SMCO4: variants seen among roughly 807,000 people sequenced by gnomAD.
SMCO4 encodes the protein single-pass membrane protein with coiled-coil domains 4, also known as single-pass membrane and coiled-coil domain-containing protein 4.
SMCO4 carries 4 observed loss-of-function variants against 3.6 expected under a neutral mutation model. That is an observed-to-expected ratio of 1.11 (90% confidence interval 0.54 to 2.53). The LOEUF (loss-of-function observed/expected upper bound fraction) is 2.53. Ranked by LOEUF, SMCO4 falls within the 30% of genes most tolerant of loss-of-function variation. The pLI, the probability that SMCO4 is intolerant of heterozygous loss-of-function variation, is 0.02. For missense variants in SMCO4, 70 were observed against 80.8 expected (o/e 0.87, Z 0.51); for synonymous variants, 36 against 35.3 (o/e 1.02, Z -0.07).
the SMCO4 span, among the ~76,000 whole-genome samples, chr11:93,549,929 A>G: frequency 6.6e-6 from 1 of 151,376 alleles, no homozygotes; most frequent in Non-Finnish European, 1.5e-5. Context: ...ACAAAATTAT[A>G]CCTATTCTTG....
chr11:93,539,958 T>TAA (rs1179925575), intron 1 of SMCO4, among the ~76,000 whole-genome samples: 5 of 137,738 alleles, frequency 3.6e-5, no homozygotes, highest in African/African-American at 1.1e-4. Context: ...AAAATTAATT[T>TAA]AAAAAAAAAA....
intron 1 of SMCO4, among the ~76,000 whole-genome samples, chr11:93,510,129 G>A (rs1948944202): frequency 6.6e-6 from 1 of 152,198 alleles, no homozygotes; most frequent in Admixed American, 6.5e-5. Context: ...ACTTGACAAG[G>A]TTGGTGTGAG....
At chr11:93,516,290 G>C (rs12422180) in intron 1 of SMCO4, among the ~76,000 whole-genome samples, 7,617 of 152,192 alleles carry the variant, frequency 0.05, 455 homozygotes, top group East Asian at 0.22. Context: ...AAGAAGGGGA[G>C]TCAGGCAGAT....
At chr11:93,535,547 A>G (rs1949214340) in intron 1 of SMCO4, 2 of 1,445,186 alleles carry the variant, frequency 1.4e-6, no homozygotes, top group East Asian at 2.3e-5. Flanking sequence ...AGGCAGCATC[A>G]TATCACCTTG....
intron 1 of SMCO4, among the ~76,000 whole-genome samples, chr11:93,510,738 T>C (rs1177227198): frequency 1.3e-5 from 2 of 152,196 alleles, no homozygotes; most frequent in Non-Finnish European, 2.9e-5. Flanking sequence ...ACTAAGGGCC[T>C]GCCCAACAGA....
intron 2 of SMCO4, among the ~76,000 whole-genome samples, chr11:93,495,907 T>A (rs1042093566): frequency 6.6e-6 from 1 of 152,104 alleles, no homozygotes; most frequent in Non-Finnish European, 1.5e-5. Context: ...TTTGGAAAAT[T>A]GAAGTCACTG....
intron 2 of SMCO4, among the ~76,000 whole-genome samples, chr11:93,497,636 G>T (rs11606261): frequency 0.12 from 18,202 of 151,522 alleles, 1,349 homozygotes; most frequent in Non-Finnish European, 0.17. Context: ...TTCCAAAGGG[G>T]GGTACCAAGA....
At chr11:93,508,614 A>T (rs1948930382) in intron 1 of SMCO4, among the ~76,000 whole-genome samples, 1 of 152,222 alleles carries the variant, frequency 6.6e-6, no homozygotes, top group Admixed American at 6.5e-5. Context: ...GGCTTTAAAC[A>T]TCTAAAGATG....
chr11:93,509,008 G>A (rs767051876), intron 1 of SMCO4, among the ~76,000 whole-genome samples: 64 of 152,208 alleles, frequency 4.2e-4, no homozygotes, highest in Admixed American at 6.5e-4. Context: ...AATTGCTCAC[G>A]GCCAGGTGCA....
chr11:93,530,633 C>T (rs1460970356), intron 1 of SMCO4, among the ~76,000 whole-genome samples: 3 of 152,180 alleles, frequency 2.0e-5, no homozygotes, highest in African/African-American at 7.2e-5. Flanking sequence ...CCTCTTGATC[C>T]TCATCCTCTT....
intron 1 of SMCO4, among the ~76,000 whole-genome samples, chr11:93,541,205 G>A (rs1949268166): frequency 6.6e-6 from 1 of 152,232 alleles, no homozygotes; most frequent in Non-Finnish European, 1.5e-5. Flanking sequence ...AAAATGTCAA[G>A]GCCAGCTTAT....
intron 2 of SMCO4, chr11:93,481,534 C>T (rs1948593037): frequency 4.1e-6 from 4 of 985,244 alleles, no homozygotes; most frequent in Middle Eastern, 5.2e-4. Flanking sequence ...ACACCTGGAA[C>T]ACACCCCAAC....
At chr11:93,535,767 G>T in intron 1 of SMCO4, 1 of 1,605,276 alleles carries the variant, frequency 6.2e-7, no homozygotes, top group Non-Finnish European at 8.5e-7. Context: ...GAGACAAAAA[G>T]AACAAAACTA....
chr11:93,516,383 C>A (rs568047366), intron 1 of SMCO4, among the ~76,000 whole-genome samples: 1 of 152,298 alleles, frequency 6.6e-6, no homozygotes, highest in East Asian at 1.9e-4. Flanking sequence ...TCTTTCTATA[C>A]CACAGTTTAC....
At chr11:93,540,421 C>T (rs921331547) in intron 1 of SMCO4, among the ~76,000 whole-genome samples, 5 of 152,222 alleles carry the variant, frequency 3.3e-5, no homozygotes, top group African/African-American at 1.2e-4. Context: ...ACTCCCAAGA[C>T]GCTTGAACTT....
chr11:93,546,226 G>A (rs560630367), upstream of SMCO4, among the ~76,000 whole-genome samples: 1 of 152,354 alleles, frequency 6.6e-6, no homozygotes, highest in Admixed American at 6.5e-5. Context: ...TTCAGTTGAA[G>A]TCACTAAATC....
At chr11:93,550,692 T>C in the SMCO4 span, among the ~76,000 whole-genome samples, 86,308 of 151,778 alleles carry the variant, frequency 0.57, 24,737 homozygotes, top group Admixed American at 0.65. Flanking sequence ...TTTATTTTTA[T>C]TTTATTTTTT....
Position 93,478,960 on chromosome 11 carries a change from C to G in SMCO4, c.*50G>C, listed in dbSNP as rs749902261. ...AAAGCCATTTTTTGTTTGCGTCCCC[C>G]TCCCGCGCCTCCTCTCCCTGCCGAT... is the stretch of plus-strand genomic sequence containing the variant. On this transcript the variant is annotated 3_prime_UTR_variant, in exon 3 of 3. Coordinates refer to ENST00000298966, the MANE Select transcript of SMCO4 (RefSeq NM_020179.3). 2 of 1,560,354 alleles carry G rather than the reference C, an allele frequency of 1.3e-6. No homozygotes were observed. The highest frequency in any genetic ancestry group is 1.7e-6 in the Non-Finnish European group (2 of 1,153,828).
chr11:93,497,705 A>G (rs1301989195), intron 2 of SMCO4, among the ~76,000 whole-genome samples: 2 of 152,196 alleles, frequency 1.3e-5, no homozygotes, highest in Non-Finnish European at 2.9e-5. Context: ...TATGCAAGAC[A>G]TTGAACTTCT....
Sources: gnomAD v4.1 joint callset for allele counts (sites outside exome capture counted in the v4.1 genomes callset) on GRCh38, gnomAD v4.1.1 for gene constraint, MANE v1.5 for transcripts, NCBI Gene and HGNC (gene_info 2026-07-23, HGNC 2026-07-21) for gene names.